The following GABRA1 variants were observed in gnomAD, a reference collection of about 807,000 sequenced individuals.
GABRA1 encodes gamma-aminobutyric acid receptor subunit alpha-1.
Under a neutral mutation model 48.9 loss-of-function variants are expected in GABRA1, and 9 were observed. The observed-to-expected ratio is 0.18, with a 90% CI of 0.11 to 0.32. The LOEUF (loss-of-function observed/expected upper bound fraction) is 0.32. Among genes scored for constraint, GABRA1 ranks in the 10% least tolerant of loss-of-function variants. GABRA1 has a pLI of 1.00. For synonymous variants in GABRA1, 210 were observed against 198.7 expected, an observed-to-expected ratio of 1.06 and a Z score of -0.48; for missense variants, 285 against 553.8, an observed-to-expected ratio of 0.51 and a Z score of 4.87.
chr5:161,859,505 T>C (rs1340821386), intron 3 of GABRA1, among the ~76,000 whole-genome samples: 2 of 151,902 alleles, frequency 1.3e-5, no homozygotes, highest in Middle Eastern at 3.4e-3. Context: ...CTAAGAGTGC[T>C]CTAAAAAGAT....
intron 1 of GABRA1, chr5:161,848,829 G>A (rs1757322859): frequency 2.6e-5 from 9 of 344,796 alleles, no homozygotes; most frequent in South Asian, 1.9e-4. Flanking sequence ...GGGGCGTCGG[G>A]GGCCATCATC....
At chr5:161,863,103 G>GA (rs1757923080) in intron 3 of GABRA1, among the ~76,000 whole-genome samples, 1 of 151,506 alleles carries the variant, frequency 6.6e-6, no homozygotes, top group Non-Finnish European at 1.5e-5. Context: ...AAATTCCCAG[G>GA]AAAAACAGAT....
chr5:161,859,395 G>A (rs1031563205), intron 3 of GABRA1, among the ~76,000 whole-genome samples: 2 of 151,748 alleles, frequency 1.3e-5, no homozygotes, highest in Non-Finnish European at 3.0e-5. Context: ...CAGCTGGGTT[G>A]GAAATTCCCT....
intron 9 of GABRA1, 124 bp downstream of exon 9, chr5:161,895,992 T>C (rs1261629114): frequency 1.2e-6 from 1 of 837,964 alleles, no homozygotes; most frequent in Non-Finnish European, 2.0e-6. Context: ...TTTTTTCTTA[T>C]GTCGTAAACA....
intron 4 of GABRA1, among the ~76,000 whole-genome samples, chr5:161,866,017 CT>C (rs1440943801): frequency 6.6e-6 from 1 of 151,874 alleles, no homozygotes. Context: ...CTGCAGTCAT[CT>C]TTTTTTAAAA....
intron 3 of GABRA1, among the ~76,000 whole-genome samples, chr5:161,862,463 A>T (rs1757899959): frequency 6.6e-6 from 1 of 151,778 alleles, no homozygotes; most frequent in South Asian, 2.1e-4. Context: ...CCATCTTTAA[A>T]GTCTCATTTC....
intron 4 of GABRA1, among the ~76,000 whole-genome samples, chr5:161,872,583 G>GA (rs1754168124): frequency 6.6e-6 from 1 of 151,830 alleles, no homozygotes; most frequent in African/African-American, 2.4e-5. Flanking sequence ...CATTATCTGT[G>GA]AAAAAAATGT....
intron 3 of GABRA1, among the ~76,000 whole-genome samples, chr5:161,859,099 T>G (rs1253816072): frequency 6.6e-6 from 1 of 151,742 alleles, no homozygotes; most frequent in Non-Finnish European, 1.5e-5. Flanking sequence ...AGATTTGGAT[T>G]TTTTTGGTTT....
intron 7 of GABRA1, among the ~76,000 whole-genome samples, chr5:161,884,212 C>T (rs878873728): frequency 2.6e-5 from 4 of 152,072 alleles, no homozygotes; most frequent in Non-Finnish European, 5.9e-5. Flanking sequence ...ATTTTTCCTT[C>T]TTACAACATA....
At chr5:161,886,165 T>G (rs1280405964) in intron 7 of GABRA1, among the ~76,000 whole-genome samples, 1 of 152,106 alleles carries the variant, frequency 6.6e-6, no homozygotes, top group Admixed American at 6.6e-5. Context: ...GAACCTGGGT[T>G]GTCAACCTGC....
At chr5:161,888,087 G>A (rs372000040) in intron 7 of GABRA1, among the ~76,000 whole-genome samples, 2 of 151,986 alleles carry the variant, frequency 1.3e-5, no homozygotes, top group African/African-American at 4.8e-5. Context: ...CAGAAATATT[G>A]TCACATCTAA....
intron 9 of GABRA1, among the ~76,000 whole-genome samples, chr5:161,896,216 A>T (rs1755361887): frequency 6.6e-6 from 1 of 152,194 alleles, no homozygotes; most frequent in Non-Finnish European, 1.5e-5. Flanking sequence ...CAAGTGCGTT[A>T]TAATTTTATA....
intron 7 of GABRA1, among the ~76,000 whole-genome samples, chr5:161,884,448 A>G (rs1391610691): frequency 6.6e-6 from 1 of 152,172 alleles, no homozygotes; most frequent in East Asian, 1.9e-4. Context: ...AAGAGACCAC[A>G]TCTGTCTTCT....
At chr5:161,895,532 C>T in intron 8 of GABRA1, 134 bp from the exon 9 acceptor site, 3 of 817,380 alleles carry the variant, frequency 3.7e-6, no homozygotes, top group African/African-American at 1.7e-5. Flanking sequence ...CAATTCTAAA[C>T]CAAAATAAGA....
intron 4 of GABRA1, 66 bp downstream of exon 4, chr5:161,865,854 T>C: frequency 7.2e-7 from 1 of 1,386,630 alleles, no homozygotes; most frequent in African/African-American, 1.4e-5. Flanking sequence ...CAAAGAAAAA[T>C]ATAAACTAAG....
intron 7 of GABRA1, 130 bp from the exon 8 acceptor site, chr5:161,890,768 C>G (rs1043137111): frequency 1.2e-6 from 1 of 836,882 alleles, no homozygotes; most frequent in African/African-American, 1.7e-5. Context: ...ACTTTTCCCT[C>G]CAAGAACTGG....
intron 4 of GABRA1, among the ~76,000 whole-genome samples, chr5:161,866,495 AC>A (rs1212681343): frequency 6.6e-6 from 1 of 152,124 alleles, no homozygotes; most frequent in Non-Finnish European, 1.5e-5. Flanking sequence ...ATGGAAACAT[AC>A]CATTATGAAT....
At chr5:161,848,779 A>G in intron 1 of GABRA1, 1 of 297,220 alleles carries the variant, frequency 3.4e-6, no homozygotes, top group Non-Finnish European at 6.6e-6. Flanking sequence ...TCTTTTATTT[A>G]TTTATTTATT....
At chr5:161,884,420 A>C (rs757463541) in intron 7 of GABRA1, among the ~76,000 whole-genome samples, 3 of 152,198 alleles carry the variant, frequency 2.0e-5, no homozygotes, top group Non-Finnish European at 2.9e-5. Flanking sequence ...TGCTGTGATT[A>C]ACATTTTTTT....
Sources: allele counts gnomAD v4.1 joint callset (sites outside exome capture counted in the v4.1 genomes callset), GRCh38; gene constraint gnomAD v4.1.1; transcripts MANE v1.5; gene names NCBI Gene and HGNC (gene_info 2026-07-23, HGNC 2026-07-21).